FN1: variants seen among roughly 807,000 people sequenced by gnomAD.
FN1 encodes the protein fibronectin.
A neutral mutation model predicts 297.3 loss-of-function variants in FN1; 106 were observed. The observed-to-expected ratio is 0.36, with a 90% CI of 0.30 to 0.42. The LOEUF (loss-of-function observed/expected upper bound fraction) is 0.42, where lower values mean the gene tolerates loss of function less well. Among genes scored for constraint, FN1 ranks in the 10% least tolerant of loss-of-function variants. FN1 has a pLI of 1.00. For synonymous variants in FN1, 1,149 were observed against 1,152.6 expected (o/e 1.00, Z 0.06); for missense variants, 2,690 against 3,124.9 (o/e 0.86, Z 3.32).
At chr2:215,381,992 C>T (rs1267872274) in intron 32 of FN1, 6 of 515,026 alleles carry the variant, frequency 1.2e-5, no homozygotes, top group Non-Finnish European at 1.4e-5. Flanking sequence ...ATTCAAAGCA[C>T]AGCAACTAAC....
chr2:215,375,409 A>AT lies in FN1; in HGVS notation c.5978-17dup, dbSNP rs2057090716. ...GCATCAATGGCTGAAAGAAAACAAA[A>AT]TTAAGTCTCTAAGAAGGCAAATAAC... On this transcript the variant is annotated splice_polypyrimidine_tract_variant and intron_variant, in intron 37 of 45. Transcript: ENST00000354785. The AT allele has an allele frequency of 1.9e-6, 3 of 1,589,780 alleles. No individual in the cohort carries two copies. Among genetic ancestry groups the AT allele is most frequent in the Non-Finnish European group, 2.6e-6 (3 of 1,162,078 alleles).
chr2:215,433,815 C>G (rs552200935), intron 2 of FN1, among the ~76,000 whole-genome samples: 2 of 152,200 alleles, frequency 1.3e-5, no homozygotes, highest in Non-Finnish European at 2.9e-5. Context: ...AAAAAGCAAA[C>G]GATTGGCCGG....
Position 215,433,620 on chromosome 2 carries a change from C to T in FN1, c.278-159G>A, listed in dbSNP as rs1216967718. 2.0e-5 allele frequency among the ~76,000 whole-genome samples: 3 copies of T among 152,192 alleles called. No individual in the cohort carries two copies. The East Asian group carries it at 5.8e-4, about 29-fold the overall frequency. On this transcript the variant is annotated intron_variant, in intron 2 of 45. Transcript: ENST00000354785. ...GAGAGATACAGATTTTTATCCTAAGCTCTAATAAGGCCATGGTTTTTGACC... is the reference window on the plus strand; with the variant it reads ...GAGAGATACAGATTTTTATCCTAAGTTCTAATAAGGCCATGGTTTTTGACC...
chr2:215,394,458 G>C, intron 24 of FN1, 70 bp downstream of exon 24: 5 of 1,254,766 alleles, frequency 4.0e-6, no homozygotes, highest in Non-Finnish European at 4.7e-6. Flanking sequence ...AAGCATCTGG[G>C]GATTAAGATG....
rs1388865929 is a variant in FN1, at chr2:215,399,362, G to C, written c.3254-11C>G. ...AGCTCCCAGGCTGCACTGTGAGAGA[G>C]AATCAATGCACATATTCAAAACTCA... is the stretch of plus-strand genomic sequence containing the variant. On this transcript the variant is annotated splice_polypyrimidine_tract_variant and intron_variant, in intron 20 of 45. Coordinates refer to ENST00000354785, the MANE Select transcript of FN1 (RefSeq NM_212482.4). 3.8e-6 allele frequency: 6 copies of C among 1,575,406 alleles called. No individual in the cohort carries two copies. Among genetic ancestry groups the C allele is most frequent in the Admixed American group, 1.7e-5 (1 of 59,978 alleles).
intron 43 of FN1, 101 bp from the exon 44 acceptor site, chr2:215,365,086 C>T: frequency 2.6e-6 from 2 of 760,074 alleles, no homozygotes; most frequent in East Asian, 2.7e-5. Context: ...TGTATCATCA[C>T]AGCGCAAACA....
chr2:215,420,529 A>G lies in FN1; in HGVS notation c.1675+144T>C, dbSNP rs2064135861. 3.0e-6 allele frequency: 3 copies of G among 1,006,898 alleles called. No homozygotes were observed. The Admixed American group carries it at 5.7e-5, about 19-fold the overall frequency. The allele number at this position is 1,006,898 out of a possible 1,614,324, so 62.4% of individuals were successfully genotyped here. On this transcript the variant is annotated intron_variant, in intron 11 of 45. Coordinates refer to ENST00000354785, the MANE Select transcript of FN1 (RefSeq NM_212482.4). ...GAGATATTTTGGTCCAGTATTAGAGAGAAGACTTTGCAAAGTTCTTTGCAA... is the reference window on the plus strand; with the variant it reads ...GAGATATTTTGGTCCAGTATTAGAGGGAAGACTTTGCAAAGTTCTTTGCAA...
intron 26 of FN1, among the ~76,000 whole-genome samples, chr2:215,389,479 T>C (rs1383672764): frequency 6.6e-6 from 1 of 152,134 alleles, no homozygotes; most frequent in Non-Finnish European, 1.5e-5. Flanking sequence ...GATTTGGTGA[T>C]TTTATTGTGT....
At position 215,365,522 on chromosome 2, in the gene FN1, T is replaced by C. The variant is rs2054357187; in HGVS notation, c.7127A>G (p.Glu2376Gly). Residue 2376 changes from glutamate to glycine, a missense_variant, in exon 43 of 46, where the codon GAA becomes GGA. Physicochemically the swap from Glu to Gly is moderately conservative, Grantham distance 98. Transcript: ENST00000354785. Reference sequence around the variant, plus strand: ...TGACATACGAGGGTCACACTTGAATTCTCCTTTTCCGTTCCCAAGACATGT... The same window carrying C: ...TGACATACGAGGGTCACACTTGAATCCTCCTTTTCCGTTCCCAAGACATGT... Reference protein sequence around the residue: ...SCTCLGNGKGEFKCDPHEATC... With the variant: ...SCTCLGNGKGGFKCDPHEATC... The C allele has an allele frequency of 1.9e-6, 3 of 1,614,104 alleles. No individual in the cohort carries two copies. Among genetic ancestry groups the C allele is most frequent in the Non-Finnish European group, 1.7e-6 (2 of 1,179,982 alleles).
At chr2:215,400,797 TAAAC>T (rs2060916856) in intron 20 of FN1, among the ~76,000 whole-genome samples, 2 of 149,256 alleles carry the variant, frequency 1.3e-5, no homozygotes, top group African/African-American at 2.5e-5. Context: ...AAATTTTACT[TAAAC>T]AATTTTTTTT....
At chr2:215,393,387 T>G in intron 24 of FN1, 184 bp from the exon 25 acceptor site, 1 of 523,412 alleles carries the variant, frequency 1.9e-6, no homozygotes, top group Non-Finnish European at 3.4e-6. Context: ...CATGAACAGT[T>G]TGCTTCCCTA....
intron 21 of FN1, 26 bp downstream of exon 21, chr2:215,399,231 A>C: frequency 6.5e-7 from 1 of 1,540,148 alleles, no homozygotes; most frequent in Non-Finnish European, 9.0e-7. Flanking sequence ...GCTGTATCAC[A>C]GAGATTAGGA....
intron 6 of FN1, among the ~76,000 whole-genome samples, chr2:215,426,398 T>G (rs1025606353): frequency 6.6e-6 from 1 of 152,198 alleles, no homozygotes; most frequent in African/African-American, 2.4e-5. Context: ...TCCACCCGCC[T>G]TGGCCTCCCA....
intron 41 of FN1, among the ~76,000 whole-genome samples, chr2:215,369,035 TG>T (rs1170856821): frequency 6.6e-6 from 1 of 152,074 alleles, no homozygotes; most frequent in East Asian, 1.9e-4. Flanking sequence ...TTTGGAGAAC[TG>T]GTAAGTCTGA....
intron 42 of FN1, 77 bp from the exon 43 acceptor site, chr2:215,365,707 G>T (rs1366742529): frequency 2.2e-6 from 3 of 1,374,900 alleles, no homozygotes; most frequent in Admixed American, 3.5e-5. Context: ...GAACTGGGAC[G>T]TGTCACAGGG....
At chr2:215,370,547 CA>C in intron 40 of FN1, 115 bp from the exon 41 acceptor site, 1 of 295,922 alleles carries the variant, frequency 3.4e-6, no homozygotes, top group South Asian at 8.0e-5. Context: ...AGACAAAAAA[CA>C]AAAAACAAAA....
At chr2:215,372,841 C>A (rs903068391) in intron 39 of FN1, among the ~76,000 whole-genome samples, 1 of 152,128 alleles carries the variant, frequency 6.6e-6, no homozygotes, top group African/African-American at 2.4e-5. Context: ...ATAAAACACA[C>A]ATGTTCATTT....
At chr2:215,409,412 C>T (rs1213204810) in intron 15 of FN1, 151 bp downstream of exon 15, 1 of 770,294 alleles carries the variant, frequency 1.3e-6, no homozygotes, top group African/African-American at 1.7e-5. Context: ...GTCAGTCCTT[C>T]CCTTCCTCAT....
chr2:215,375,189 A>G, intron 38 of FN1, 25 bp downstream of exon 38: 1 of 1,612,508 alleles, frequency 6.2e-7, no homozygotes, highest in South Asian at 1.1e-5. Flanking sequence ...TAAGAAGGAA[A>G]ATGACAGCAT....
Sources: allele counts gnomAD v4.1 joint callset (sites outside exome capture counted in the v4.1 genomes callset), GRCh38; gene constraint gnomAD v4.1.1; transcripts MANE v1.5; gene names NCBI Gene and HGNC (gene_info 2026-07-23, HGNC 2026-07-21).